The following RELN variants were observed in gnomAD, a reference collection of about 807,000 sequenced individuals.
The protein encoded by RELN is reelin.
In RELN, 108 loss-of-function variants were observed where a neutral mutation model predicts 427.6. That is an observed-to-expected ratio of 0.25 (90% CI 0.22 to 0.30). The LOEUF (loss-of-function observed/expected upper bound fraction) is 0.30, where lower values mean the gene tolerates loss of function less well. Among genes scored for constraint, RELN ranks in the 10% least tolerant of loss-of-function variants. RELN has a pLI of 1.00. For synonymous variants in RELN, 1,524 were observed against 1,513.4 expected (o/e 1.01, Z -0.16); for missense variants, 3,715 against 4,302.8 (o/e 0.86, Z 3.82).
chr7:103,652,857 T>G, intron 13 of RELN, 98 bp from the exon 14 acceptor site: 1 of 1,029,548 alleles, frequency 9.7e-7, no homozygotes, highest in Non-Finnish European at 1.5e-6. Context: ...TGTACATAAC[T>G]GCCATTTATT....
In RELN at chr7:103,858,762, C is replaced by T. The variant is rs141650968; in HGVS notation, c.338-25090G>A. Among the ~76,000 whole-genome samples the T allele has an allele frequency of 6.0e-3, 908 of 152,182 alleles. 3 individuals are homozygous for T. The highest frequency in any genetic ancestry group is 0.011 in the African/African-American group (443 of 41,532). The stretch of plus-strand genomic sequence containing the variant: ...CAAAGACGCTTCCATGGTGTAGTAG[C>T]GGTGCTCTAACAGCTTTCATTTTTC... On this transcript the variant is annotated intron_variant, in intron 2 of 64. Coordinates refer to ENST00000428762, the MANE Select transcript of RELN (RefSeq NM_005045.4).
intron 2 of RELN, among the ~76,000 whole-genome samples, chr7:103,841,886 G>A (rs1279962916): frequency 6.6e-6 from 1 of 151,968 alleles, no homozygotes; most frequent in East Asian, 1.9e-4. Context: ...TTTATAATTT[G>A]CCATGGTTAG....
Position 103,646,046 on chromosome 7 carries a change from C to A in RELN, c.2002+4228G>T, listed in dbSNP as rs187780108. Reference sequence around the variant, plus strand: ...TCCTGAATGATCTTTGAGTTAATGACAAAATGAACACAGAAATTAAAAAAA... The same window carrying A: ...TCCTGAATGATCTTTGAGTTAATGAAAAAATGAACACAGAAATTAAAAAAA... On this transcript the variant is annotated intron_variant, in intron 16 of 64. Transcript: ENST00000428762. 4.3e-3 allele frequency among the ~76,000 whole-genome samples: 647 copies of A among 151,504 alleles called. 2 individuals are homozygous for A. Among genetic ancestry groups the A allele is most frequent in the Non-Finnish European group, 7.6e-3 (512 of 67,718 alleles).
Position 103,603,286 on chromosome 7 carries a change from C to T in RELN, c.3333+18G>A, listed in dbSNP as rs764498487. 3.7e-6 allele frequency: 6 copies of T among 1,604,156 alleles called. No homozygotes were observed. In the East Asian group the frequency reaches 8.9e-5, roughly 24 times the overall value. On this transcript the variant is annotated intron_variant, in intron 24 of 64. Transcript: ENST00000428762. The surrounding 1 kb of genome is among the most constrained non-coding windows in gnomAD (Gnocchi z 4.3). The stretch of plus-strand genomic sequence containing the variant: ...ACTAGCCATTGCCCCGATGACTTAT[C>T]CCAGCTGTTGGTCATACCTTGCTGA...
rs60728490 is a variant in RELN, at chr7:103,773,197, TTCTCTCTC to T, written c.544+3352_544+3359del. ...TTCTTTCCTTCTTTCTTTTCTTTCT[TTCTCTCTC>T]TCTCTCTCTCTCCCTCCCTCCCTCG... On this transcript the variant is annotated intron_variant, in intron 4 of 64. Transcript: ENST00000428762. Among the ~76,000 whole-genome samples the T allele has an allele frequency of 1.3e-3, 128 of 100,298 alleles. 2 individuals carry two copies. Among genetic ancestry groups the T allele is most frequent in the African/African-American group, 5.2e-3 (118 of 22,524 alleles). The allele number at this position is 100,298 out of a possible 152,430, so 65.8% of individuals were successfully genotyped here. A position where few individuals can be genotyped will look rare whatever the true frequency, so the allele number is the denominator to read the frequency against.
chr7:103,906,151 G>T (rs1282877592), intron 2 of RELN, among the ~76,000 whole-genome samples: 1 of 152,100 alleles, frequency 6.6e-6, no homozygotes, highest in Non-Finnish European at 1.5e-5. Context: ...GGTTAGAGCA[G>T]AGAGGGCCTT....
chr7:103,692,428 C>A (rs185236888), intron 10 of RELN, among the ~76,000 whole-genome samples: 1 of 152,182 alleles, frequency 6.6e-6, no homozygotes, highest in South Asian at 2.1e-4. Flanking sequence ...ATAATACCTG[C>A]CTCTTGCCTC....
intron 1 of RELN, among the ~76,000 whole-genome samples, chr7:103,928,736 G>A (rs1049981247): frequency 6.6e-6 from 1 of 152,128 alleles, no homozygotes; most frequent in African/African-American, 2.4e-5. Context: ...GAGACTTCAT[G>A]TATGCCAGAG....
intron 11 of RELN, among the ~76,000 whole-genome samples, chr7:103,662,283 C>T (rs1457110122): frequency 6.6e-6 from 1 of 152,204 alleles, no homozygotes; most frequent in Non-Finnish European, 1.5e-5. Context: ...GCTCTTACCA[C>T]AGTTGCATAA....
chr7:103,518,699 T>TTC (rs1829632641), intron 49 of RELN, among the ~76,000 whole-genome samples: 1 of 151,408 alleles, frequency 6.6e-6, no homozygotes, highest in South Asian at 2.1e-4. Flanking sequence ...GACCCTGCCT[T>TTC]TCTCTCTCTC....
intron 8 of RELN, among the ~76,000 whole-genome samples, chr7:103,722,862 A>C (rs1337844589): frequency 1.3e-5 from 2 of 152,218 alleles, no homozygotes; most frequent in African/African-American, 4.8e-5. Flanking sequence ...TAATAGAATA[A>C]GCCAATGTAT....
intron 10 of RELN, among the ~76,000 whole-genome samples, chr7:103,684,765 G>T (rs1210211956): frequency 6.6e-6 from 1 of 152,024 alleles, no homozygotes; most frequent in Admixed American, 6.6e-5. Flanking sequence ...ATGAGGAAAT[G>T]CATTTTGAAA....
At chr7:103,753,351 A>C (rs899067100) in intron 4 of RELN, 137 bp from the exon 5 acceptor site, 2 of 809,026 alleles carry the variant, frequency 2.5e-6, no homozygotes, top group Non-Finnish European at 2.0e-6. Flanking sequence ...TAGTCTTTTT[A>C]GGAGTTTCTG....
chr7:103,882,676 A>T (rs956849409), intron 2 of RELN, among the ~76,000 whole-genome samples: 2 of 152,206 alleles, frequency 1.3e-5, no homozygotes, highest in Non-Finnish European at 2.9e-5. Context: ...TACACAAATA[A>T]ACTAGAAAAT....
intron 4 of RELN, among the ~76,000 whole-genome samples, chr7:103,757,757 C>A (rs1277782560): frequency 1.3e-5 from 2 of 152,088 alleles, no homozygotes; most frequent in African/African-American, 4.8e-5. Flanking sequence ...GGGAACCCTG[C>A]TACTTGTCAG....
intron 2 of RELN, among the ~76,000 whole-genome samples, chr7:103,873,500 A>G (rs1195171677): frequency 6.2e-5 from 4 of 65,038 alleles, no homozygotes; most frequent in African/African-American, 1.7e-4. Context: ...TCAAATAGAC[A>G]CAATAAAAAA....
intron 2 of RELN, among the ~76,000 whole-genome samples, chr7:103,888,783 C>G (rs888443715): frequency 1.3e-5 from 2 of 152,190 alleles, no homozygotes; most frequent in Non-Finnish European, 2.9e-5. Flanking sequence ...CAACATGAGC[C>G]AGATTTCAGC....
At position 103,574,390 on chromosome 7, in the gene RELN, T is replaced by C. The variant is rs1033523097; in HGVS notation, c.4304-91A>G. 7.4e-6 allele frequency: 8 copies of C among 1,084,676 alleles called. No homozygotes were observed. The Admixed American group carries it at 7.7e-5, about 10-fold the overall frequency. The allele number at this position is 1,084,676 out of a possible 1,614,324, so 67.2% of individuals were successfully genotyped here. On this transcript the variant is annotated intron_variant, in intron 29 of 64. Transcript: ENST00000428762. The stretch of plus-strand genomic sequence containing the variant: ...CACATGGGCAAAGGAAGAATGTCCA[T>C]AGGGATTAACATTAGGGAGAGAGGC...
Position 103,593,746 on chromosome 7 carries a change from T to A in RELN, c.3848A>T (p.Asp1283Val), listed in dbSNP as rs2117248656. ...TCGAGTTACTGCAAATCGATCTCCA[T>A]CTGATTTTCCAAATATCATTGCTGA... ...TPSAMIFGKS[D>V]GDRFAVTRDL... is the part of the protein sequence containing the mutation. Residue 1283 changes from aspartate (D) to valine (V), a missense_variant, in exon 27 of 65, where the codon GAT becomes GTT. Asp to Val is a radical substitution (Grantham distance 152). Transcript: ENST00000428762. 6.2e-6 allele frequency: 10 copies of A among 1,614,040 alleles called. No homozygotes were observed. The highest frequency in any genetic ancestry group is 8.5e-6 in the Non-Finnish European group (10 of 1,179,926).
Sources: gnomAD v4.1 joint callset for allele counts (sites outside exome capture counted in the v4.1 genomes callset) on GRCh38, gnomAD v4.1.1 for gene constraint, Gnocchi (gnomAD v3.1) non-coding constraint, MANE v1.5 for transcripts, NCBI Gene and HGNC (gene_info 2026-07-23, HGNC 2026-07-21) for gene names.